Variants in AUTS2 observed in about 807,000 individuals in gnomAD.
The protein encoded by AUTS2 is activator of transcription and developmental regulator AUTS2, also known as autism susceptibility gene 2 protein.
AUTS2 carries 17 observed loss-of-function variants against 112.4 expected under a neutral mutation model. The observed-to-expected ratio is 0.15, with a 90% CI of 0.10 to 0.23. AUTS2 has a LOEUF of 0.23. Among genes scored for constraint, AUTS2 ranks in the 10% least tolerant of loss-of-function variants. The pLI, the probability that AUTS2 is intolerant of heterozygous loss-of-function variation, is 1.00. For missense variants in AUTS2, 1,510 were observed against 1,701.6 expected (o/e 0.89, Z 1.98); for synonymous variants, 751 against 702.7 (o/e 1.07, Z -1.09).
At chr7:70,358,101 G>T (rs920392033) in intron 4 of AUTS2, among the ~76,000 whole-genome samples, 7 of 152,160 alleles carry the variant, frequency 4.6e-5, no homozygotes, top group Non-Finnish European at 1.0e-4. Flanking sequence ...TTTGGACAAC[G>T]TTACATCTGT....
chr7:69,852,613 C>T (rs540070101), intron 1 of AUTS2, among the ~76,000 whole-genome samples: 12 of 152,028 alleles, frequency 7.9e-5, no homozygotes, highest in Admixed American at 2.0e-4. Flanking sequence ...CCACCATGCC[C>T]GGCTAATTTT....
At chr7:70,738,034 G>A (rs1300580250) in intron 6 of AUTS2, among the ~76,000 whole-genome samples, 1 of 152,002 alleles carries the variant, frequency 6.6e-6, no homozygotes, top group Non-Finnish European at 1.5e-5. Context: ...CTTTTTGTCA[G>A]ATAAAGTCCA....
intron 4 of AUTS2, among the ~76,000 whole-genome samples, chr7:70,277,369 C>T (rs552461248): frequency 3.5e-4 from 53 of 152,234 alleles, no homozygotes; most frequent in Non-Finnish European, 5.3e-4. Flanking sequence ...AGAAACCTGG[C>T]AAGGGAGTGA....
Position 70,640,443 on chromosome 7 carries a change from C to A in AUTS2, c.691-58126C>A, listed in dbSNP as rs768964027. Among the ~76,000 whole-genome samples the A allele has an allele frequency of 5.7e-3, 366 of 64,190 alleles. 2 individuals carry two copies. The highest frequency in any genetic ancestry group is 0.021 in the Middle Eastern group (2 of 96). 42.1% of individuals were successfully genotyped at this position (64,190 alleles called of 152,430 possible). A position where few individuals can be genotyped will look rare whatever the true frequency, so the allele number is the denominator to read the frequency against. ...GGGGAAAAAAAAAAAAAAAAAAAAA[C>A]CATAAAAAATCCTGCATGAGGTCAG... On this transcript the variant is annotated intron_variant, in intron 5 of 18. Coordinates refer to ENST00000342771, the MANE Select transcript of AUTS2 (RefSeq NM_015570.4).
chr7:69,887,917 G>A (rs892811548), intron 1 of AUTS2, among the ~76,000 whole-genome samples: 7 of 151,944 alleles, frequency 4.6e-5, no homozygotes, highest in African/African-American at 1.7e-4. Flanking sequence ...TTATTTCTAG[G>A]CATCTGTTCA....
Position 70,639,715 on chromosome 7 carries a change from A to G in AUTS2, c.691-58854A>G, listed in dbSNP as rs867583470. Reference sequence around the variant, plus strand: ...TTAGCTGCCTTAAGCACGCCCTTACATTTACTTGCCTCAGTTTCCCTATTG... The same window carrying G: ...TTAGCTGCCTTAAGCACGCCCTTACGTTTACTTGCCTCAGTTTCCCTATTG... On this transcript the variant is annotated intron_variant, in intron 5 of 18. Coordinates refer to ENST00000342771, the MANE Select transcript of AUTS2 (RefSeq NM_015570.4). Among the ~76,000 whole-genome samples the G allele has an allele frequency of 1.3e-4, 20 of 149,710 alleles. 1 individual carries two copies. In the South Asian group the frequency reaches 3.6e-3, roughly 27 times the overall value.
At chr7:70,691,184 T>TAACA (rs1808734355) in intron 5 of AUTS2, among the ~76,000 whole-genome samples, 1 of 152,222 alleles carries the variant, frequency 6.6e-6, no homozygotes, top group African/African-American at 2.4e-5. Flanking sequence ...ATCATTAATC[T>TAACA]AACACCAGAG....
At chr7:70,491,691 T>C (rs1308492863) in intron 5 of AUTS2, among the ~76,000 whole-genome samples, 1 of 151,114 alleles carries the variant, frequency 6.6e-6, no homozygotes, top group South Asian at 2.1e-4. Context: ...CTCAGCTCAC[T>C]GCAACCTCTG....
intron 5 of AUTS2, among the ~76,000 whole-genome samples, chr7:70,564,514 T>C (rs900298037): frequency 6.6e-6 from 1 of 152,204 alleles, no homozygotes. Context: ...AATAACTCTT[T>C]TTAAGGTGGT....
intron 1 of AUTS2, among the ~76,000 whole-genome samples, chr7:69,705,147 G>A (rs1480184036): frequency 1.3e-5 from 2 of 152,224 alleles, no homozygotes; most frequent in East Asian, 1.9e-4. Context: ...GATTACAGGC[G>A]TGAGCCATTG....
chr7:70,453,289 C>G (rs1562964923), intron 5 of AUTS2, among the ~76,000 whole-genome samples: 2 of 152,200 alleles, frequency 1.3e-5, no homozygotes, highest in African/African-American at 2.4e-5. Context: ...GGGGAGACTT[C>G]TCAGCGTCTG....
chr7:70,571,016 T>C (rs1801915699), intron 5 of AUTS2, among the ~76,000 whole-genome samples: 2 of 152,192 alleles, frequency 1.3e-5, no homozygotes, highest in African/African-American at 4.8e-5. Context: ...CTCCACCACG[T>C]AGGTCCTTTA....
chr7:69,733,555 T>A (rs1356833634), intron 1 of AUTS2, among the ~76,000 whole-genome samples: 1 of 152,152 alleles, frequency 6.6e-6, no homozygotes, highest in Non-Finnish European at 1.5e-5. Flanking sequence ...ATCATTTAAG[T>A]AGCAGAAGAG....
At chr7:69,706,263 C>G in intron 1 of AUTS2, among the ~76,000 whole-genome samples, 1 of 152,144 alleles carries the variant, frequency 6.6e-6, no homozygotes. Context: ...TTGATATTGC[C>G]TATAGATTAG....
chr7:69,741,497 G>A (rs1463232476), intron 1 of AUTS2, among the ~76,000 whole-genome samples: 1 of 152,120 alleles, frequency 6.6e-6, no homozygotes. Context: ...TTGAGCCCAG[G>A]AGTTCGAGAC....
At chr7:69,720,704 A>C (rs552233355) in intron 1 of AUTS2, among the ~76,000 whole-genome samples, 3 of 152,230 alleles carry the variant, frequency 2.0e-5, no homozygotes, top group Non-Finnish European at 4.4e-5. Context: ...GTAAGATTTT[A>C]TAAGTCAGTA....
At chr7:69,779,260 A>G (rs1377976016) in intron 1 of AUTS2, among the ~76,000 whole-genome samples, 2 of 152,162 alleles carry the variant, frequency 1.3e-5, no homozygotes, top group South Asian at 2.1e-4. Context: ...CCCAGAATCT[A>G]TCAGTGAGCC....
chr7:70,074,131 G>T (rs1802914033), intron 2 of AUTS2, among the ~76,000 whole-genome samples: 1 of 152,126 alleles, frequency 6.6e-6, no homozygotes, highest in Non-Finnish European at 1.5e-5. Flanking sequence ...GAGCTACTTG[G>T]CAGAATTGTT....
At chr7:69,655,205 A>T (rs1313661128) in intron 1 of AUTS2, among the ~76,000 whole-genome samples, 1 of 152,352 alleles carries the variant, frequency 6.6e-6, no homozygotes, top group Non-Finnish European at 1.5e-5. Context: ...AATGAAAAAA[A>T]AATCTACAAT....
Sources: allele counts gnomAD v4.1 joint callset (sites outside exome capture counted in the v4.1 genomes callset), GRCh38; gene constraint gnomAD v4.1.1; transcripts MANE v1.5; gene names NCBI Gene and HGNC (gene_info 2026-07-23, HGNC 2026-07-21).